The following SPIDR variants were observed in gnomAD, a reference collection of about 807,000 sequenced individuals.
SPIDR encodes scaffold protein involved in DNA repair.
Under a neutral mutation model 104.6 loss-of-function variants are expected in SPIDR, and 93 were observed. That is an observed-to-expected ratio of 0.89 (90% CI 0.75 to 1.06). The LOEUF (loss-of-function observed/expected upper bound fraction) is 1.06, where lower values mean the gene tolerates loss of function less well. Among genes scored for constraint, SPIDR ranks in the 50% least tolerant of loss-of-function variants. The probability of loss-of-function intolerance (pLI) is 0.00; values close to 1 mark genes in which losing one functional copy is unlikely to be tolerated. For missense variants in SPIDR, 1,154 were observed against 1,111.2 expected (o/e 1.04, Z -0.55); for synonymous variants, 431 against 416.9 (o/e 1.03, Z -0.41).
At position 47,396,482 on chromosome 8, in the gene SPIDR, A is replaced by G; in HGVS notation, c.632A>G (p.Gln211Arg). Reference protein sequence around the residue: ...DSESPHKYHVQFASDARQIME... With the variant: ...DSESPHKYHVRFASDARQIME... ...GAATCCCCTCACAAATACCACGTGC[A>G]GTTTGCATCGGATGCAAGACAGATT... Residue 211 changes from glutamine (Q) to arginine (R), a missense_variant, in exon 6 of 20, where the codon CAG (glutamine) becomes CGG (arginine). By Grantham distance (43) the Gln-to-Arg change is conservative. Transcript: ENST00000297423. 1.2e-6 allele frequency: 2 copies of G among 1,614,190 alleles called. No homozygotes were observed. Among genetic ancestry groups the G allele is most frequent in the Middle Eastern group, 1.6e-4 (1 of 6,062 alleles).
intron 5 of SPIDR, among the ~76,000 whole-genome samples, chr8:47,305,896 A>G (rs2043016082): frequency 6.6e-6 from 1 of 152,178 alleles, no homozygotes; most frequent in Admixed American, 6.5e-5. Context: ...AATGTTGTGT[A>G]ACTACCATCA....
At chr8:47,666,993 G>C (rs1402480782) in intron 10 of SPIDR, among the ~76,000 whole-genome samples, 2 of 152,068 alleles carry the variant, frequency 1.3e-5, no homozygotes, top group Admixed American at 1.3e-4. Context: ...TTAAAAAGAA[G>C]AAAGGGGCCA....
chr8:47,437,650 A>C (rs992111817), intron 7 of SPIDR, among the ~76,000 whole-genome samples: 2 of 152,036 alleles, frequency 1.3e-5, no homozygotes, highest in African/African-American at 2.4e-5. Flanking sequence ...GCTCATCATC[A>C]CTGGCCATCA....
chr8:47,385,278 A>G (rs2059754325), intron 5 of SPIDR, among the ~76,000 whole-genome samples: 1 of 152,108 alleles, frequency 6.6e-6, no homozygotes, highest in African/African-American at 2.4e-5. Context: ...CTATATATAC[A>G]TTAGTTTTGT....
At chr8:47,410,188 C>CTT (rs568380022) in intron 7 of SPIDR, among the ~76,000 whole-genome samples, 4 of 146,206 alleles carry the variant, frequency 2.7e-5, no homozygotes, top group Non-Finnish European at 6.1e-5. Context: ...TTTATTTTAC[C>CTT]TTTTTTTTTT....
intron 10 of SPIDR, among the ~76,000 whole-genome samples, chr8:47,604,203 GGCAGTACTA>G (rs1182424430): frequency 6.6e-6 from 1 of 152,220 alleles, no homozygotes; most frequent in Non-Finnish European, 1.5e-5. Context: ...GGTGTTCTAA[GGCAGTACTA>G]TTTAAGTTTA....
intron 3 of SPIDR, among the ~76,000 whole-genome samples, chr8:47,284,702 A>G (rs2038477130): frequency 6.6e-6 from 1 of 152,118 alleles, no homozygotes; most frequent in Admixed American, 6.6e-5. Flanking sequence ...GGAAGAGTGT[A>G]GGTGCTGAGG....
At chr8:47,560,277 T>C (rs2056895125) in intron 8 of SPIDR, among the ~76,000 whole-genome samples, 1 of 152,226 alleles carries the variant, frequency 6.6e-6, no homozygotes, top group African/African-American at 2.4e-5. Context: ...TCACATATAG[T>C]GCTGGTAGGC....
intron 10 of SPIDR, among the ~76,000 whole-genome samples, chr8:47,643,052 TCTA>T (rs998379489): frequency 1.3e-5 from 2 of 152,242 alleles, no homozygotes; most frequent in Non-Finnish European, 2.9e-5. Context: ...TTTAGTTGGT[TCTA>T]CTTTGTTCTA....
intron 5 of SPIDR, among the ~76,000 whole-genome samples, chr8:47,299,158 G>T (rs2041523658): frequency 6.6e-6 from 1 of 152,170 alleles, no homozygotes; most frequent in African/African-American, 2.4e-5. Flanking sequence ...TCTCCTTGAA[G>T]AGGTCCTTCA....
intron 8 of SPIDR, chr8:47,592,553 G>C: frequency 7.6e-7 from 1 of 1,317,050 alleles, no homozygotes; most frequent in East Asian, 2.3e-5. Flanking sequence ...GCCAGGAACT[G>C]GTTCTGCCAG....
intron 10 of SPIDR, among the ~76,000 whole-genome samples, chr8:47,668,691 TAAG>T (rs2075347027): frequency 6.6e-6 from 1 of 151,772 alleles, no homozygotes; most frequent in Admixed American, 6.6e-5. Context: ...TAAAAGAAAA[TAAG>T]AAGCAAAATT....
At chr8:47,486,861 G>A (rs1247226725) in intron 8 of SPIDR, among the ~76,000 whole-genome samples, 18 of 152,124 alleles carry the variant, frequency 1.2e-4, no homozygotes, top group Admixed American at 9.2e-4. Context: ...CACTAAACGC[G>A]GAAAGGAACA....
intron 16 of SPIDR, among the ~76,000 whole-genome samples, chr8:47,722,415 T>G (rs2083533362): frequency 6.6e-6 from 1 of 152,246 alleles, no homozygotes; most frequent in African/African-American, 2.4e-5. Flanking sequence ...ATAGCAGTAG[T>G]GGGAACATCC....
At chr8:47,678,828 C>T (rs2076755452) in intron 11 of SPIDR, among the ~76,000 whole-genome samples, 1 of 152,108 alleles carries the variant, frequency 6.6e-6, no homozygotes, top group Non-Finnish European at 1.5e-5. Context: ...TGTCTAAACA[C>T]CAAATTTGAT....
intron 5 of SPIDR, among the ~76,000 whole-genome samples, chr8:47,382,719 T>A (rs782819343): frequency 1.3e-5 from 2 of 152,196 alleles, no homozygotes; most frequent in Non-Finnish European, 2.9e-5. Flanking sequence ...GCCTGAAGTT[T>A]GTTATTTTTT....
intron 1 of SPIDR, among the ~76,000 whole-genome samples, chr8:47,273,106 T>G (rs1266290124): frequency 6.6e-6 from 1 of 152,196 alleles, no homozygotes; most frequent in African/African-American, 2.4e-5. Flanking sequence ...TTTAATCCAA[T>G]TTTGATGCTC....
chr8:47,299,699 T>C (rs1554575762), intron 5 of SPIDR, among the ~76,000 whole-genome samples: 1 of 152,236 alleles, frequency 6.6e-6, no homozygotes, highest in Non-Finnish European at 1.5e-5. Context: ...TCTGCATCTA[T>C]TGAGATAATT....
At chr8:47,418,917 C>A (rs1371240230) in intron 7 of SPIDR, among the ~76,000 whole-genome samples, 1 of 152,110 alleles carries the variant, frequency 6.6e-6, no homozygotes, top group Non-Finnish European at 1.5e-5. Flanking sequence ...TGCTGGGTTA[C>A]GTTTATTGAT....
Sources: gnomAD v4.1 joint callset for allele counts (sites outside exome capture counted in the v4.1 genomes callset) on GRCh38, gnomAD v4.1.1 for gene constraint, MANE v1.5 for transcripts, NCBI Gene and HGNC (gene_info 2026-07-23, HGNC 2026-07-21) for gene names.